Variants in SH3PXD2B observed in about 807,000 individuals in gnomAD.
The protein encoded by SH3PXD2B is SH3 and PX domains 2B, also known as SH3 and PX domain-containing protein 2B.
Under a neutral mutation model 73.1 loss-of-function variants are expected in SH3PXD2B, and 37 were observed. That is an observed-to-expected ratio of 0.51 (90% CI 0.39 to 0.67). The LOEUF is 0.67. Among genes scored for constraint, SH3PXD2B ranks in the 30% least tolerant of loss-of-function variants. The pLI, the probability that SH3PXD2B is intolerant of heterozygous loss-of-function variation, is 0.00. For missense variants in SH3PXD2B, 1,053 were observed against 1,197.8 expected (o/e 0.88, Z 1.78); for synonymous variants, 457 against 480.5 (o/e 0.95, Z 0.64).
At chr5:172,410,587 C>G (rs1480492374) in intron 2 of SH3PXD2B, among the ~76,000 whole-genome samples, 2 of 152,070 alleles carry the variant, frequency 1.3e-5, no homozygotes, top group Non-Finnish European at 2.9e-5. Context: ...TTCTGAGAAC[C>G]TAAAACTTCT....
At chr5:172,443,107 G>C (rs1250121294) in intron 1 of SH3PXD2B, among the ~76,000 whole-genome samples, 1 of 152,180 alleles carries the variant, frequency 6.6e-6, no homozygotes, top group African/African-American at 2.4e-5. Flanking sequence ...ACAAAATTAT[G>C]ACTATATGTA....
intron 1 of SH3PXD2B, among the ~76,000 whole-genome samples, chr5:172,451,457 T>G (rs892970614): frequency 2.6e-5 from 4 of 152,136 alleles, no homozygotes; most frequent in Admixed American, 6.5e-5. Flanking sequence ...GATAACTAGC[T>G]GGGTAGAAGC....
At chr5:172,392,783 TCAAAAA>T (rs1264259051) in intron 4 of SH3PXD2B, among the ~76,000 whole-genome samples, 1 of 152,196 alleles carries the variant, frequency 6.6e-6, no homozygotes, top group South Asian at 2.1e-4. Flanking sequence ...AGACTCCATC[TCAAAAA>T]CAAAAACAAA....
chr5:172,402,432 T>A (rs928109948), intron 3 of SH3PXD2B, among the ~76,000 whole-genome samples: 1 of 152,228 alleles, frequency 6.6e-6, no homozygotes, highest in Non-Finnish European at 1.5e-5. Context: ...TTGTGAAGCA[T>A]GTGATCTCTG....
At chr5:172,415,645 C>T (rs747950330) in intron 2 of SH3PXD2B, among the ~76,000 whole-genome samples, 5 of 152,124 alleles carry the variant, frequency 3.3e-5, no homozygotes, top group African/African-American at 4.8e-5. Context: ...TAGTGACTGC[C>T]GATATTGTTA....
Position 172,441,396 on chromosome 5 carries a change from G to C in SH3PXD2B, c.75+12882C>G, listed in dbSNP as rs111601359. ...CAGCAGGGCGTTATCACATGTGATT[G>C]TGTCTCAGCACCAAGGACGTCAGTG... On this transcript the variant is annotated intron_variant, in intron 1 of 12. Transcript: ENST00000311601. Among the ~76,000 whole-genome samples, 1,120 of 152,346 alleles carry C rather than the reference G, an allele frequency of 7.4e-3. 18 individuals are homozygous for C. Among genetic ancestry groups the C allele is most frequent in the African/African-American group, 0.025 (1,055 of 41,586 alleles).
chr5:172,378,585 G>A (rs1019334483), intron 5 of SH3PXD2B, among the ~76,000 whole-genome samples: 3 of 152,160 alleles, frequency 2.0e-5, no homozygotes, highest in African/African-American at 7.2e-5. Flanking sequence ...TACTACCCTC[G>A]TGGCTGCTGT....
intron 12 of SH3PXD2B, among the ~76,000 whole-genome samples, chr5:172,342,487 G>A (rs372280421): frequency 2.8e-4 from 42 of 152,138 alleles, no homozygotes; most frequent in Admixed American, 5.2e-4. Context: ...CTGGCCGGGC[G>A]CGGTGGCTCA....
In SH3PXD2B at chr5:172,432,802, C is replaced by T. The variant is rs1364119129; in HGVS notation, c.76-10306G>A. On this transcript the variant is annotated intron_variant, in intron 1 of 12. Coordinates refer to ENST00000311601, the MANE Select transcript of SH3PXD2B (RefSeq NM_001017995.3). ...TGGTGCATGCCTGTAATTCCAGCTA[C>T]GCGGGAGGCTGAGGGAGAAGAATCA... 3.3e-5 allele frequency among the ~76,000 whole-genome samples: 5 copies of T among 151,674 alleles called. No individual in the cohort carries two copies. The East Asian group carries it at 5.8e-4, about 18-fold the overall frequency.
In SH3PXD2B at chr5:172,334,891, G is replaced by A; in HGVS notation, c.*3478C>T. The A allele has an allele frequency of 1.0e-6, 1 of 985,398 alleles. No individual in the cohort carries two copies. The highest frequency in any genetic ancestry group is 1.2e-6 in the Non-Finnish European group (1 of 829,918). 61.0% of individuals were successfully genotyped at this position (985,398 alleles called of 1,614,324 possible). ...CCTCAGTGGGCGCAAACATTTTAGG[G>A]CCAAGAACATTGACTTGGAAATTGA... On this transcript the variant is annotated 3_prime_UTR_variant, in exon 13 of 13. Transcript: ENST00000311601.
intron 6 of SH3PXD2B, among the ~76,000 whole-genome samples, chr5:172,371,374 A>G (rs1256051830): frequency 1.3e-5 from 2 of 152,216 alleles, no homozygotes; most frequent in South Asian, 2.1e-4. Context: ...ACATTAGCCA[A>G]AGTCTGTAGG....
Position 172,336,936 on chromosome 5 carries a change from T to C in SH3PXD2B, c.*1433A>G, listed in dbSNP as rs1401622650. On this transcript the variant is annotated 3_prime_UTR_variant, in exon 13 of 13. Transcript: ENST00000311601. The stretch of plus-strand genomic sequence containing the variant: ...TGAAAAAAGAAAAAAACATTACAAA[T>C]GCCGGAGAGGCACAGGAAGCAGCTC... The C allele has an allele frequency of 5.1e-6, 5 of 985,420 alleles. No individual in the cohort carries two copies. In the African/African-American group the frequency reaches 8.7e-5, roughly 17 times the overall value. The allele number at this position is 985,420 out of a possible 1,614,324, so 61.0% of individuals were successfully genotyped here.
chr5:172,432,822 G>T lies in SH3PXD2B; in HGVS notation c.76-10326C>A, dbSNP rs527651401. Reference sequence around the variant, plus strand: ...AGCTACGCGGGAGGCTGAGGGAGAAGAATCACTTGAATCTGCGAGGCGGAG... The same window carrying T: ...AGCTACGCGGGAGGCTGAGGGAGAATAATCACTTGAATCTGCGAGGCGGAG... On this transcript the variant is annotated intron_variant, in intron 1 of 12. Coordinates refer to ENST00000311601, the MANE Select transcript of SH3PXD2B (RefSeq NM_001017995.3). Among the ~76,000 whole-genome samples, 8 of 145,268 alleles carry T rather than the reference G, an allele frequency of 5.5e-5. No individual in the cohort carries two copies. In the South Asian group the frequency reaches 1.3e-3, roughly 24 times the overall value.
chr5:172,368,650 A>ATAT (rs1491170696), intron 6 of SH3PXD2B, among the ~76,000 whole-genome samples: 1 of 32,062 alleles, frequency 3.1e-5, no homozygotes, highest in African/African-American at 2.1e-4. Context: ...TTATATATAT[A>ATAT]AAATATATAT....
In SH3PXD2B at chr5:172,439,698, A is replaced by G. The variant is rs1264603960; in HGVS notation, c.75+14580T>C. Among the ~76,000 whole-genome samples the G allele has an allele frequency of 2.5e-3, 280 of 111,604 alleles. 1 individual carries two copies. The highest frequency in any genetic ancestry group is 4.5e-3 in the Middle Eastern group (1 of 224). 73.2% of individuals were successfully genotyped at this position (111,604 alleles called of 152,430 possible). ...TGCGTGCGCGCACGCGCGCGCACAC[A>G]CACACACACACACACACACACACAC... On this transcript the variant is annotated intron_variant, in intron 1 of 12. Transcript: ENST00000311601.
At chr5:172,416,054 G>A (rs954908578) in intron 2 of SH3PXD2B, among the ~76,000 whole-genome samples, 2 of 152,186 alleles carry the variant, frequency 1.3e-5, no homozygotes, top group African/African-American at 2.4e-5. Flanking sequence ...CCAGCCGGGC[G>A]CGGTGGCTCA....
At chr5:172,333,186 C>T (rs965022463), downstream of SH3PXD2B, among the ~76,000 whole-genome samples, 29 of 151,912 alleles carry the variant, frequency 1.9e-4, no homozygotes, top group South Asian at 2.1e-4. Context: ...CGGCCCGCCT[C>T]GGCCTCCCAA....
rs573448207 is a variant in SH3PXD2B, at chr5:172,376,170, T to C, written c.402-2355A>G. Among the ~76,000 whole-genome samples the C allele has an allele frequency of 3.3e-5, 5 of 152,128 alleles. No individual in the cohort carries two copies. In the South Asian group the frequency reaches 1.0e-3, roughly 32 times the overall value. ...TCAGCCTCCCATGTAGCTGGGATTA[T>C]AGACGCCCACCACCACGCCTGGCTC... On this transcript the variant is annotated intron_variant, in intron 5 of 12. Coordinates refer to ENST00000311601, the MANE Select transcript of SH3PXD2B (RefSeq NM_001017995.3).
chr5:172,447,569 AT>A (rs1759698699), intron 1 of SH3PXD2B, among the ~76,000 whole-genome samples: 1 of 152,134 alleles, frequency 6.6e-6, no homozygotes, highest in Non-Finnish European at 1.5e-5. Flanking sequence ...AATTGGAACT[AT>A]TTTTATCCTC....
Sources: allele counts gnomAD v4.1 joint callset (sites outside exome capture counted in the v4.1 genomes callset), GRCh38; gene constraint gnomAD v4.1.1; transcripts MANE v1.5; gene names NCBI Gene and HGNC (gene_info 2026-07-23, HGNC 2026-07-21).